Variants in SNED1 observed in about 807,000 individuals in gnomAD.
SNED1 encodes sushi, nidogen and EGF-like domain-containing protein 1.
Under a neutral mutation model 166.7 loss-of-function variants are expected in SNED1, and 81 were observed. The observed-to-expected ratio is 0.49, with a 90% CI of 0.41 to 0.58. The LOEUF (loss-of-function observed/expected upper bound fraction) is 0.58, where lower values mean the gene tolerates loss of function less well. Among genes scored for constraint, SNED1 ranks in the 20% least tolerant of loss-of-function variants. The probability of loss-of-function intolerance (pLI) is 0.00; values close to 1 mark genes in which losing one functional copy is unlikely to be tolerated. For missense variants in SNED1, 1,604 were observed against 2,000.2 expected (o/e 0.80, Z 3.78); for synonymous variants, 762 against 822.0 (o/e 0.93, Z 1.25).
At chr2:241,089,594 T>C (rs1002381471) in intron 31 of SNED1, among the ~76,000 whole-genome samples, 5 of 152,006 alleles carry the variant, frequency 3.3e-5, no homozygotes, top group Admixed American at 6.6e-5. Context: ...CATAAGAGAG[T>C]AGCCGGCAGC....
rs983096584 is a variant in SNED1, at chr2:241,094,511, C to T, written c.*2875C>T. 2 of 424,326 alleles carry T rather than the reference C, an allele frequency of 4.7e-6. No individual in the cohort carries two copies. Among genetic ancestry groups the T allele is most frequent in the South Asian group, 3.5e-5 (2 of 56,606 alleles). 26.3% of individuals were successfully genotyped at this position (424,326 alleles called of 1,614,324 possible). On this transcript the variant is annotated 3_prime_UTR_variant, in exon 32 of 32. Transcript: ENST00000310397. The surrounding 1 kb of genome is among the most constrained non-coding windows in gnomAD (Gnocchi z 4.3). ...CAGCTCACACCTACCAGGGGTATTC[C>T]AGTGCATAGGGGAAAGGAACCCGGC...
rs1385719044 is a variant in SNED1 at position 241,033,988 on chromosome 2, G to A, written c.642+113G>A. The A allele has an allele frequency of 2.0e-5, 25 of 1,279,268 alleles. No individual in the cohort carries two copies. The East Asian group carries it at 2.1e-4, about 11-fold the overall frequency. The allele number at this position is 1,279,268 out of a possible 1,614,324, so 79.2% of individuals were successfully genotyped here. On this transcript the variant is annotated intron_variant, in intron 3 of 31. Transcript: ENST00000310397. ...CACCATAGGCAGATCCCCCAGTACC[G>A]TGCAGAGGCCAACGAGAGACATCCA...
chr2:241,058,566 G>A (rs10175538), intron 16 of SNED1, among the ~76,000 whole-genome samples: 2,562 of 152,288 alleles, frequency 0.017, 62 homozygotes, highest in African/African-American at 0.059. Flanking sequence ...ATGTGCTTAT[G>A]TATCAGCAAC....
intron 31 of SNED1, chr2:241,089,108 G>A (rs2063744906): frequency 1.9e-6 from 1 of 515,700 alleles, no homozygotes; most frequent in South Asian, 3.3e-5. Flanking sequence ...AACAACACTG[G>A]CATTCTTCAC....
At chr2:241,050,829 G>GA (rs1553570925) in intron 12 of SNED1, among the ~76,000 whole-genome samples, 20 of 120,598 alleles carry the variant, frequency 1.7e-4, no homozygotes, top group African/African-American at 7.9e-4. Flanking sequence ...CTGTACCCAA[G>GA]GTGGGGGTCC....
chr2:241,075,855 C>CTG lies in SNED1; in HGVS notation c.3916+2502_3916+2503dup, dbSNP rs55753819. ...ACCTGTAGGTCATTAATCTGTTAGA[C>CTG]TGTGTGTGTGTGAGAAGTTGGGCTA... is the stretch of plus-strand genomic sequence containing the variant. On this transcript the variant is annotated intron_variant, in intron 27 of 31. Coordinates refer to ENST00000310397, the MANE Select transcript of SNED1 (RefSeq NM_001080437.3). The surrounding 1 kb of genome is among the most constrained non-coding windows in gnomAD (Gnocchi z 4.8). 0.21 allele frequency among the ~76,000 whole-genome samples: 31,675 copies of CTG among 151,844 alleles called. 3,533 individuals carry two copies. Among genetic ancestry groups the CTG allele is most frequent in the East Asian group, 0.3 (1,550 of 5,164 alleles).
chr2:241,066,691 G>A (rs941378289), intron 21 of SNED1, among the ~76,000 whole-genome samples: 11 of 152,192 alleles, frequency 7.2e-5, no homozygotes, highest in Admixed American at 6.5e-5. Context: ...AGGGCCCTGC[G>A]GGGCGGCCAC....
chr2:241,088,717 G>A, intron 31 of SNED1: 1 of 378,662 alleles, frequency 2.6e-6, no homozygotes, highest in Non-Finnish European at 4.7e-6. Context: ...TGCAGTGGGA[G>A]GAAGAGGCAG....
intron 30 of SNED1, 92 bp downstream of exon 30, chr2:241,087,567 G>A (rs1044765142): frequency 6.7e-7 from 1 of 1,485,758 alleles, no homozygotes; most frequent in Non-Finnish European, 8.9e-7. Context: ...CTGCAGGCCT[G>A]TGGGCTGAGC....
intron 24 of SNED1, 102 bp from the exon 25 acceptor site, chr2:241,071,474 C>G: frequency 7.2e-7 from 1 of 1,392,348 alleles, no homozygotes; most frequent in Non-Finnish European, 9.8e-7. Flanking sequence ...CTTCCCTTCT[C>G]CAAGCACGGC....
At position 241,068,003 on chromosome 2, in the gene SNED1, G is replaced by T; in HGVS notation, c.3194+56G>T. 6.7e-7 allele frequency: 1 copy of T among 1,490,980 alleles called. No homozygotes were observed. Among genetic ancestry groups the T allele is most frequent in the Non-Finnish European group, 9.2e-7 (1 of 1,086,826 alleles). 92.4% of individuals were successfully genotyped at this position (1,490,980 alleles called of 1,614,324 possible). A position where few individuals can be genotyped will look rare whatever the true frequency, so the allele number is the denominator to read the frequency against. On this transcript the variant is annotated intron_variant, in intron 22 of 31. Coordinates refer to ENST00000310397, the MANE Select transcript of SNED1 (RefSeq NM_001080437.3). This position sits in a 1 kb window ranked among gnomAD's most constrained non-coding sequence, Gnocchi z 5.3. ...GGGTGAAGGCAGGGGTGGGGGCTCG[G>T]GGACACGGGGCCCAGGTCTCGGGCA...
intron 1 of SNED1, among the ~76,000 whole-genome samples, chr2:241,004,235 A>G (rs573589543): frequency 6.6e-6 from 1 of 152,326 alleles, no homozygotes; most frequent in African/African-American, 2.4e-5. Flanking sequence ...CTTCCTGTGA[A>G]ATCTTCAGCA....
At chr2:241,003,850 G>A (rs977777010) in intron 1 of SNED1, among the ~76,000 whole-genome samples, 3 of 152,250 alleles carry the variant, frequency 2.0e-5, no homozygotes, top group Admixed American at 6.5e-5. Context: ...AAGCCATAAG[G>A]CTGCACACAG....
chr2:241,013,980 C>T lies in SNED1; in HGVS notation c.213+14930C>T, dbSNP rs2060495899. ...TCTATTTTTAATTTTTTAGGTGGGG[C>T]TGTTCCTAGCTTTAGACTACTCTTT... On this transcript the variant is annotated intron_variant, in intron 1 of 31. Transcript: ENST00000310397. This position sits in a 1 kb window ranked among gnomAD's most constrained non-coding sequence, Gnocchi z 4.6. Among the ~76,000 whole-genome samples, 1 of 151,480 alleles carries T rather than the reference C, an allele frequency of 6.6e-6. No homozygotes were observed. Among genetic ancestry groups the T allele is most frequent in the South Asian group, 2.1e-4 (1 of 4,792 alleles).
intron 17 of SNED1, 168 bp from the exon 18 acceptor site, chr2:241,063,419 G>A (rs755711512): frequency 1.4e-5 from 9 of 632,510 alleles, no homozygotes; most frequent in African/African-American, 3.6e-5. Flanking sequence ...CACGCCTCCC[G>A]AGGAGGGGTG....
chr2:241,043,569 C>A (rs1350412739), intron 8 of SNED1, among the ~76,000 whole-genome samples: 1 of 151,936 alleles, frequency 6.6e-6, no homozygotes, highest in Non-Finnish European at 1.5e-5. Flanking sequence ...TCTGGATCTA[C>A]ACAAAAGAAT....
chr2:241,070,159 G>C lies in SNED1; in HGVS notation c.3547G>C (p.Gly1183Arg), dbSNP rs368778916. The stretch of plus-strand genomic sequence containing the variant: ...GATAGCAGTGCAGAGCACGGAGCTC[G>C]GGCCGCAGCACAGCGAGCCCGCCCA... ...SVIAVQSTELGPQHSEPAHLY... is the reference protein window; with the variant it reads ...SVIAVQSTELRPQHSEPAHLY... The change falls in exon 24 of 32, where the codon GGG becomes CGG. Residue 1183 changes from glycine (G) to arginine (R), a missense_variant. This residue lies in a region of SNED1 where 367 missense variants were observed against 379.4 expected (regional missense o/e 0.97). Coordinates refer to ENST00000310397, the MANE Select transcript of SNED1 (RefSeq NM_001080437.3). 3.1e-6 allele frequency: 5 copies of C among 1,605,474 alleles called. No individual in the cohort carries two copies. In the African/African-American group the frequency reaches 4.0e-5, roughly 13 times the overall value.
rs536333071 is a variant in SNED1, at chr2:241,052,360, T to C, written c.1975T>C (p.Ser659Pro). The C allele has an allele frequency of 1.7e-5, 27 of 1,570,494 alleles. No individual in the cohort carries two copies. In the East Asian group the frequency reaches 2.5e-4, roughly 14 times the overall value. The part of the protein sequence containing the change: ...FSGRHCEIAP[S>P]PCFRSPCVNG... ...ACCTTCCTGCATTCTGGCAGCCCCC[T>C]CCCCCTGCTTCCGGAGCCCGTGTGT... is the stretch of plus-strand genomic sequence containing the variant. Residue 659 changes from serine (S) to proline (P), a missense_variant, in exon 15 of 32, where the codon TCC (serine) becomes CCC (proline). Physicochemically the swap from Ser to Pro is moderately conservative, Grantham distance 74 (BLOSUM62 -1). Transcript: ENST00000310397.
rs1457270110 is a variant in SNED1, at chr2:240,999,717, G to T, written c.213+667G>T. Among the ~76,000 whole-genome samples, 1 of 152,196 alleles carries T rather than the reference G, an allele frequency of 6.6e-6. No individual in the cohort carries two copies. Among genetic ancestry groups the T allele is most frequent in the East Asian group, 1.9e-4 (1 of 5,182 alleles). ...CCAGGGACTCATGACAGCAGGCTCA[G>T]CTCAGCTGAAGGAACAGGCCCGAGT... On this transcript the variant is annotated intron_variant, in intron 1 of 31. Coordinates refer to ENST00000310397, the MANE Select transcript of SNED1 (RefSeq NM_001080437.3). The surrounding 1 kb of genome is among the most constrained non-coding windows in gnomAD (Gnocchi z 5.8).
Sources: allele counts gnomAD v4.1 joint callset (sites outside exome capture counted in the v4.1 genomes callset), GRCh38; gene constraint gnomAD v4.1.1; regional missense constraint gnomAD v4.1.1; non-coding constraint Gnocchi (gnomAD v3.1); transcripts MANE v1.5; gene names NCBI Gene and HGNC (gene_info 2026-07-23, HGNC 2026-07-21).